Variants in CTNNAL1 observed in about 807,000 individuals in gnomAD.
The protein encoded by CTNNAL1 is catenin alpha like 1, also known as alpha-catulin.
In CTNNAL1, 69 loss-of-function variants were observed where a neutral mutation model predicts 93.6. The ratio of observed to expected loss-of-function variants is 0.74; its 90% CI spans 0.61 to 0.90. The LOEUF is 0.90. CTNNAL1 is among the 40% of genes least tolerant of loss of function. The pLI is 0.00. For synonymous variants in CTNNAL1, 286 were observed against 305.4 expected, an observed-to-expected ratio of 0.94 and a Z score of 0.66; for missense variants, 836 against 862.0, an observed-to-expected ratio of 0.97 and a Z score of 0.38.
intron 15 of CTNNAL1, 133 bp downstream of exon 15, chr9:108,948,053 C>T: frequency 9.7e-7 from 1 of 1,029,098 alleles, no homozygotes; most frequent in Non-Finnish European, 1.4e-6. Context: ...TACTTTTCTA[C>T]TGCTCTCTGT....
chr9:108,950,717 C>T (rs1300365523), intron 14 of CTNNAL1: 2 of 1,340,416 alleles, frequency 1.5e-6, no homozygotes, highest in Non-Finnish European at 1.0e-6. Flanking sequence ...GGTGACTTTG[C>T]AAAAATAAAT....
intron 8 of CTNNAL1, 33 bp from the exon 9 acceptor site, chr9:108,972,866 G>GA: frequency 7.3e-7 from 1 of 1,373,372 alleles, no homozygotes; most frequent in Non-Finnish European, 9.6e-7. Flanking sequence ...GGGGGTGGGA[G>GA]GGTGGAGAAG....
chr9:108,947,694 C>T (rs552995001), intron 15 of CTNNAL1, among the ~76,000 whole-genome samples: 10 of 152,294 alleles, frequency 6.6e-5, no homozygotes, highest in Admixed American at 3.9e-4. Context: ...TCTGTCTCTC[C>T]TTTAATGCCC....
At chr9:109,004,239 C>T (rs995330196) in intron 1 of CTNNAL1, among the ~76,000 whole-genome samples, 1 of 152,168 alleles carries the variant, frequency 6.6e-6, no homozygotes, top group African/African-American at 2.4e-5. Flanking sequence ...CAGAGTCAGA[C>T]ATTTCAATTC....
At chr9:109,002,217 T>C (rs999010806) in intron 1 of CTNNAL1, among the ~76,000 whole-genome samples, 1 of 152,122 alleles carries the variant, frequency 6.6e-6, no homozygotes, top group Non-Finnish European at 1.5e-5. Flanking sequence ...TAAGGACCCA[T>C]TCCTCACAAG....
At chr9:108,944,641 T>C (rs924273676) in intron 15 of CTNNAL1, among the ~76,000 whole-genome samples, 4 of 152,180 alleles carry the variant, frequency 2.6e-5, no homozygotes, top group Non-Finnish European at 4.4e-5. Flanking sequence ...TAGCATATTA[T>C]GTTAAAATGG....
At chr9:108,992,906 G>A (rs1356842745) in intron 2 of CTNNAL1, 87 bp from the exon 3 acceptor site, 10 of 1,382,480 alleles carry the variant, frequency 7.2e-6, no homozygotes, top group Admixed American at 2.8e-5. Flanking sequence ...AAGGCACAAT[G>A]AGGAGAAACT....
In CTNNAL1 at chr9:108,950,577, A is replaced by G. The variant is rs1346305258; in HGVS notation, c.1835+1632T>C. On this transcript the variant is annotated intron_variant, in intron 14 of 18. Coordinates refer to ENST00000325551, the MANE Select transcript of CTNNAL1 (RefSeq NM_003798.4). ...ATGATGCCTCTAAGCTTGGGACTGC[A>G]TCTTCCCCACTCTTAATCCTCCTTC... 6.5e-6 allele frequency: 10 copies of G among 1,550,230 alleles called. No homozygotes were observed. In the East Asian group the frequency reaches 2.2e-4, roughly 34 times the overall value.
At chr9:108,943,224 T>G (rs1048899587) in intron 17 of CTNNAL1, among the ~76,000 whole-genome samples, 180 bp from the exon 18 acceptor site, 2 of 152,210 alleles carry the variant, frequency 1.3e-5, no homozygotes, top group African/African-American at 4.8e-5. Flanking sequence ...CAGGGGTAGC[T>G]GCCTAGATTT....
intron 10 of CTNNAL1, among the ~76,000 whole-genome samples, chr9:108,966,438 C>T (rs874864): frequency 0.28 from 43,034 of 152,104 alleles, 6,146 homozygotes; most frequent in Admixed American, 0.32. Flanking sequence ...TGAGTTCTGT[C>T]CCCACTTGAA....
At chr9:108,983,344 A>G (rs771832606) in intron 5 of CTNNAL1, 29 bp from the exon 6 acceptor site, 3 of 1,439,052 alleles carry the variant, frequency 2.1e-6, no homozygotes, top group Non-Finnish European at 2.7e-6. Context: ...TTTTTATTTT[A>G]ATATTTGATT....
At position 108,983,173 on chromosome 9, in the gene CTNNAL1, C is replaced by G. The variant is rs143289427; in HGVS notation, c.872G>C (p.Ser291Thr). The G allele has an allele frequency of 1.6e-4, 244 of 1,557,976 alleles. 1 individual carries two copies. The African/African-American group carries it at 2.9e-3, about 19-fold the overall frequency. ...PNGETDISSISIFTGIKEFKM... is the reference protein window; with the variant it reads ...PNGETDISSITIFTGIKEFKM... ...GAATTCCTTAATTCCAGTAAAAATA[C>G]TGATAGATGAAATGTCAGTCTCTCC... The change falls in exon 6 of 19, where the codon AGT becomes ACT. Residue 291 changes from serine (S) to threonine (T), a missense_variant. Coordinates refer to ENST00000325551, the MANE Select transcript of CTNNAL1 (RefSeq NM_003798.4).
intron 14 of CTNNAL1, among the ~76,000 whole-genome samples, chr9:108,950,204 G>A (rs1830519990): frequency 6.6e-6 from 1 of 152,174 alleles, no homozygotes; most frequent in African/African-American, 2.4e-5. Flanking sequence ...GCCAAAAGCT[G>A]AGATTTTTGT....
Position 108,958,619 on chromosome 9 carries a change from C to T in CTNNAL1, c.1592-2792G>A, listed in dbSNP as rs116927222. ...TCTTTCCCCCAGTTCCAACAGAAAC[C>T]AAACAAGTTGACAATAACACAAGAA... On this transcript the variant is annotated intron_variant, in intron 11 of 18. Transcript: ENST00000325551. Among the ~76,000 whole-genome samples the T allele has an allele frequency of 7.2e-3, 1,101 of 152,222 alleles. 4 individuals are homozygous for T. Among genetic ancestry groups the T allele is most frequent in the Non-Finnish European group, 0.011 (715 of 68,012 alleles).
chr9:109,013,201 AG>A, intron 1 of CTNNAL1, 100 bp downstream of exon 1: 1 of 1,328,792 alleles, frequency 7.5e-7, no homozygotes, highest in Non-Finnish European at 9.8e-7. Context: ...CGGCGCGGAA[AG>A]TGGGGCAGCG....
At chr9:108,969,095 C>T (rs762715706) in intron 10 of CTNNAL1, among the ~76,000 whole-genome samples, 8 of 151,828 alleles carry the variant, frequency 5.3e-5, no homozygotes, top group Non-Finnish European at 1.0e-4. Context: ...CATGGTGAAA[C>T]CCTGTCTCTA....
chr9:108,986,741 C>T (rs1176657209), intron 4 of CTNNAL1, among the ~76,000 whole-genome samples: 2 of 152,150 alleles, frequency 1.3e-5, no homozygotes, highest in Admixed American at 1.3e-4. Context: ...GAGATGGTAT[C>T]TCATTGTGGT....
At chr9:108,950,149 A>G (rs1830518777) in intron 14 of CTNNAL1, among the ~76,000 whole-genome samples, 1 of 152,312 alleles carries the variant, frequency 6.6e-6, no homozygotes, top group Admixed American at 6.5e-5. Context: ...AACATTTTTT[A>G]AAAGCATGAT....
Position 108,948,197 on chromosome 9 carries a change from G to T in CTNNAL1, c.1873C>A (p.His625Asn), listed in dbSNP as rs765481910. The stretch of plus-strand genomic sequence containing the variant: ...GAAACAAGGCATACCTCTAGTTGAT[G>T]AATTAAATCCTGGGAAGTTTTCAGT... Reference protein sequence around the residue: ...GPLKTSQDLIHQLEVFAAEGL... With the variant: ...GPLKTSQDLINQLEVFAAEGL... Residue 625 changes from histidine to asparagine, a missense_variant, in exon 15 of 19, where the codon CAT (histidine) becomes AAT (asparagine). His to Asn is a moderately conservative substitution (Grantham distance 68). Coordinates refer to ENST00000325551, the MANE Select transcript of CTNNAL1 (RefSeq NM_003798.4). 1 of 1,612,000 alleles carries T rather than the reference G, an allele frequency of 6.2e-7. No homozygotes were observed. The highest frequency in any genetic ancestry group is 8.5e-7 in the Non-Finnish European group (1 of 1,179,464).
Sources: gnomAD v4.1 joint callset for allele counts (sites outside exome capture counted in the v4.1 genomes callset) on GRCh38, gnomAD v4.1.1 for gene constraint, MANE v1.5 for transcripts, NCBI Gene and HGNC (gene_info 2026-07-23, HGNC 2026-07-21) for gene names.